PMS1: variants seen among roughly 807,000 people sequenced by gnomAD.
The protein encoded by PMS1 is PMS1 homolog 1, mismatch repair system component, also known as PMS1 protein homolog 1.
In PMS1, 79 loss-of-function variants were observed where a neutral mutation model predicts 93.1. That is an observed-to-expected ratio of 0.85 (90% CI 0.71 to 1.02). The LOEUF is 1.02. Among genes scored for constraint, PMS1 ranks in the 50% least tolerant of loss-of-function variants. The probability of loss-of-function intolerance (pLI) is 0.00; values close to 1 mark genes in which losing one functional copy is unlikely to be tolerated. For missense variants in PMS1, 1,064 were observed against 1,085.3 expected, an observed-to-expected ratio of 0.98 and a Z score of 0.28; for synonymous variants, 335 against 363.4, an observed-to-expected ratio of 0.92 and a Z score of 0.89.
At chr2:189,863,248 T>G (rs1000468321) in intron 9 of PMS1, among the ~76,000 whole-genome samples, 10 of 146,448 alleles carry the variant, frequency 6.8e-5, no homozygotes, top group African/African-American at 2.5e-4. Context: ...CTTTTTGGTG[T>G]TTTTTTTTGG....
intron 9 of PMS1, among the ~76,000 whole-genome samples, 190 bp from the exon 10 acceptor site, chr2:189,863,553 G>A (rs945562387): frequency 3.3e-5 from 5 of 152,052 alleles, no homozygotes; most frequent in Admixed American, 1.3e-4. Flanking sequence ...CACTATGCCC[G>A]GCCAATAATT....
chr2:189,819,007 A>G (rs2051579486), intron 5 of PMS1, among the ~76,000 whole-genome samples: 1 of 152,170 alleles, frequency 6.6e-6, no homozygotes, highest in Non-Finnish European at 1.5e-5. Flanking sequence ...CCAGAATAAC[A>G]TACCTTTTAC....
At chr2:189,838,340 A>G (rs1034023947) in intron 5 of PMS1, among the ~76,000 whole-genome samples, 14 of 151,634 alleles carry the variant, frequency 9.2e-5, no homozygotes, top group Admixed American at 8.5e-4. Flanking sequence ...TCCCTAGGGA[A>G]AAAAAAATGT....
intron 1 of PMS1, among the ~76,000 whole-genome samples, chr2:189,788,210 AT>A (rs1486560023): frequency 6.6e-6 from 1 of 152,078 alleles, no homozygotes; most frequent in Non-Finnish European, 1.5e-5. Flanking sequence ...GATCCTTGGG[AT>A]TTCCTAGCTG....
At chr2:189,849,130 A>G (rs974219848) in intron 6 of PMS1, among the ~76,000 whole-genome samples, 1 of 151,902 alleles carries the variant, frequency 6.6e-6, no homozygotes, top group African/African-American at 2.4e-5. Flanking sequence ...CAGGGACCCC[A>G]CATGGGAAGA....
At chr2:189,855,604 G>T (rs532206351) in intron 9 of PMS1, among the ~76,000 whole-genome samples, 4 of 151,834 alleles carry the variant, frequency 2.6e-5, no homozygotes, top group African/African-American at 9.6e-5. Context: ...TATTATTGGC[G>T]ATTCAATTTA....
At chr2:189,849,794 G>T (rs1305849571) in intron 6 of PMS1, among the ~76,000 whole-genome samples, 1 of 151,100 alleles carries the variant, frequency 6.6e-6, no homozygotes, top group African/African-American at 2.4e-5. Flanking sequence ...CCTTGTTCTT[G>T]GTTTGGAGTT....
rs780480708 is a variant in PMS1 at position 189,805,831 on chromosome 2, C to T, written c.418+77C>T. 3.9e-5 allele frequency: 62 copies of T among 1,583,548 alleles called. No individual in the cohort carries two copies. In the East Asian group the frequency reaches 6.0e-4, roughly 15 times the overall value. ...GTTGGTTTAAAAAAAAAAAGTTACT[C>T]GGTGAATACAAATATATTGCTTTGG... On this transcript the variant is annotated intron_variant, in intron 4 of 12. Coordinates refer to ENST00000441310, the MANE Select transcript of PMS1 (RefSeq NM_000534.5).
chr2:189,797,040 AT>A (rs768154237), intron 3 of PMS1, among the ~76,000 whole-genome samples: 24 of 152,208 alleles, frequency 1.6e-4, no homozygotes, highest in Non-Finnish European at 2.8e-4. Context: ...ATTCAAGCAC[AT>A]TGTAAATCTC....
chr2:189,811,932 AAAT>A (rs2050882254), intron 4 of PMS1, among the ~76,000 whole-genome samples: 1 of 152,250 alleles, frequency 6.6e-6, no homozygotes. Flanking sequence ...GGAACAATAA[AAAT>A]AATGACAGCT....
intron 5 of PMS1, among the ~76,000 whole-genome samples, chr2:189,825,353 C>G (rs1483856454): frequency 1.3e-5 from 2 of 152,170 alleles, no homozygotes; most frequent in Non-Finnish European, 2.9e-5. Flanking sequence ...TAGATGAGCA[C>G]TACAGAAGCT....
chr2:189,837,832 A>G (rs1385686449), intron 5 of PMS1, among the ~76,000 whole-genome samples: 1 of 152,264 alleles, frequency 6.6e-6, no homozygotes, highest in African/African-American at 2.4e-5. Context: ...ATTATCTACA[A>G]TGGAATATTA....
chr2:189,808,305 C>T (rs1035334379), intron 4 of PMS1, among the ~76,000 whole-genome samples: 1 of 151,854 alleles, frequency 6.6e-6, no homozygotes, highest in African/African-American at 2.4e-5. Context: ...AAATTTGTTA[C>T]CCCTTTAAAA....
Position 189,805,721 on chromosome 2 carries a change from A to C in PMS1, c.385A>C (p.Ile129Leu), listed in dbSNP as rs771514571. Residue 129 changes from isoleucine (I) to leucine (L), a missense_variant, in exon 4 of 13, where the codon ATA (isoleucine) becomes CTA (leucine). Ile to Leu is a conservative substitution (Grantham distance 5). Transcript: ENST00000441310. ...TQYVLDGSGH[I>L]LSQKPSHLGQ... is the part of the protein sequence containing the mutation. The stretch of plus-strand genomic sequence containing the variant: ...GTATGTTTTAGATGGCAGTGGCCAC[A>C]TACTTTCTCAGAAACCTTCACATCT... 2 of 1,613,912 alleles carry C rather than the reference A, an allele frequency of 1.2e-6. No individual in the cohort carries two copies.
At chr2:189,848,334 C>T (rs553968506) in intron 6 of PMS1, among the ~76,000 whole-genome samples, 47 of 152,266 alleles carry the variant, frequency 3.1e-4, no homozygotes, top group African/African-American at 1.1e-3. Flanking sequence ...TGGGCTTCAT[C>T]CCAGATCGAC....
intron 5 of PMS1, among the ~76,000 whole-genome samples, chr2:189,840,536 A>C (rs1575214481): frequency 6.6e-6 from 1 of 152,202 alleles, no homozygotes; most frequent in South Asian, 2.1e-4. Context: ...CTTTTTTCTT[A>C]TACAGGTCAC....
chr2:189,848,484 C>T (rs1257696517), intron 6 of PMS1, among the ~76,000 whole-genome samples: 1 of 152,198 alleles, frequency 6.6e-6, no homozygotes, highest in Non-Finnish European at 1.5e-5. Flanking sequence ...GAAATCTTTT[C>T]CTCCCATCTG....
chr2:189,806,529 C>T (rs5743017), intron 4 of PMS1: 46,230 of 215,056 alleles, frequency 0.21, 5,418 homozygotes, highest in African/African-American at 0.29. Flanking sequence ...TCCTCAGTAG[C>T]TGGGACTACA....
At position 189,863,742 on chromosome 2, in the gene PMS1, G is replaced by A. The variant is rs2056287439; in HGVS notation, c.1857-1G>A. The A allele has an allele frequency of 6.4e-7, 1 of 1,569,976 alleles. No individual in the cohort carries two copies. Among genetic ancestry groups the A allele is most frequent in the Non-Finnish European group, 8.8e-7 (1 of 1,140,376 alleles). ...TAGTTCTATTTTATTTCTATTCTTA[G>A]ATATGAAGAGAAGGCTACTAAAGAC... On this transcript the variant is annotated splice_acceptor_variant, in intron 9 of 12. Transcript: ENST00000441310. LOFTEE classifies it high-confidence loss of function.
Sources: gnomAD v4.1 joint callset for allele counts (sites outside exome capture counted in the v4.1 genomes callset) on GRCh38, gnomAD v4.1.1 for gene constraint, MANE v1.5 for transcripts, NCBI Gene and HGNC (gene_info 2026-07-23, HGNC 2026-07-21) for gene names.